The following ADGRV1 variants were observed in gnomAD, a reference collection of about 807,000 sequenced individuals.
ADGRV1 encodes G-protein coupled receptor 98.
ADGRV1 carries 359 observed loss-of-function variants against 596.2 expected under a neutral mutation model. That is an observed-to-expected ratio of 0.60 (90% CI 0.55 to 0.66). The LOEUF (loss-of-function observed/expected upper bound fraction) is 0.66. Among genes scored for constraint, ADGRV1 ranks in the 30% least tolerant of loss-of-function variants. The pLI is 0.00. For synonymous variants in ADGRV1, 2,681 were observed against 2,679.2 expected (o/e 1.00, Z -0.02); for missense variants, 7,274 against 7,575.6 (o/e 0.96, Z 1.48).
chr5:90,662,914 A>T (rs1485102026), intron 21 of ADGRV1, among the ~76,000 whole-genome samples: 2 of 151,320 alleles, frequency 1.3e-5, no homozygotes, highest in Non-Finnish European at 2.9e-5. Flanking sequence ...TTCCAGTTTC[A>T]TCCATGTCCC....
chr5:90,886,544 A>G (rs1770304686), intron 83 of ADGRV1, among the ~76,000 whole-genome samples: 1 of 152,204 alleles, frequency 6.6e-6, no homozygotes, highest in African/African-American at 2.4e-5. Flanking sequence ...TGATCTCATC[A>G]TTAGCCATAG....
Position 91,147,804 on chromosome 5 carries a change from CAG to C in ADGRV1, c.18433-2223_18433-2222del, listed in dbSNP as rs577193222. 3.8e-3 allele frequency among the ~76,000 whole-genome samples: 581 copies of C among 152,234 alleles called. 4 individuals are homozygous for C. The highest frequency in any genetic ancestry group is 0.014 in the African/African-American group (562 of 41,548). Reference sequence around the variant, plus strand: ...AGCGCCGTTGGAACTAGGTAACAGGCAGAGGTTGGAACAGTTTGGAGGGCTCA... The same window carrying C: ...AGCGCCGTTGGAACTAGGTAACAGGCAGGTTGGAACAGTTTGGAGGGCTCA... On this transcript the variant is annotated intron_variant, in intron 87 of 89. Coordinates refer to ENST00000405460, the MANE Select transcript of ADGRV1 (RefSeq NM_032119.4).
At position 90,703,758 on chromosome 5, in the gene ADGRV1, A is replaced by G. The variant is rs1580797447; in HGVS notation, c.8249A>G (p.Asn2750Ser). The change falls in exon 35 of 90, where the codon AAT becomes AGT. Residue 2750 changes from asparagine to serine, a missense_variant. Asn to Ser is a conservative substitution (Grantham distance 46). Around this residue, in one of 5 missense-constraint regions of ADGRV1, gnomAD observed 3,643 missense variants for 3,809.2 expected, o/e 0.96. Coordinates refer to ENST00000405460, the MANE Select transcript of ADGRV1 (RefSeq NM_032119.4). ...ATTATTGGGCAAAATCTAGAACTCA[A>G]TTTTGCTAACTTTAGCGGACAACTT... ...WKIIGQNLEL[N>S]FANFSGQLFF... is the part of the protein sequence containing the mutation. 1 of 1,603,610 alleles carries G rather than the reference A, an allele frequency of 6.2e-7. No individual in the cohort carries two copies.
At chr5:90,609,762 A>C (rs1762519958) in intron 1 of ADGRV1, among the ~76,000 whole-genome samples, 4 of 152,026 alleles carry the variant, frequency 2.6e-5, no homozygotes, top group Admixed American at 2.6e-4. Flanking sequence ...GATGCTTGCT[A>C]TGGCATTGAC....
rs754942870 is a variant in ADGRV1, at chr5:90,720,241, G to A, written c.9623+18G>A. 4.8e-6 allele frequency: 7 copies of A among 1,445,012 alleles called. No individual in the cohort carries two copies. The Admixed American group carries it at 1.7e-4, about 35-fold the overall frequency. 89.5% of individuals were successfully genotyped at this position (1,445,012 alleles called of 1,614,324 possible). ...GAAAATAGGTATAGTTTATTCATAA[G>A]GAAATTATCACTTCTGAAGCTATAA... On this transcript the variant is annotated intron_variant, in intron 44 of 89. Coordinates refer to ENST00000405460, the MANE Select transcript of ADGRV1 (RefSeq NM_032119.4).
chr5:91,161,262 C>A (rs994979602), intron 89 of ADGRV1, among the ~76,000 whole-genome samples: 1 of 152,184 alleles, frequency 6.6e-6, no homozygotes, highest in Non-Finnish European at 1.5e-5. Context: ...CACGGTTCTC[C>A]TGTTCCCAGC....
rs377270367 is a variant in ADGRV1 at position 90,637,817 on chromosome 5, C to T, written c.2109C>T (p.Thr703=). Reference sequence around the variant, plus strand: ...CTGGCTTTAATTCAAAAGCAGTGACCCCGGATGATATAGGCCCCTTTAATG... The same window carrying T: ...CTGGCTTTAATTCAAAAGCAGTGACTCCGGATGATATAGGCCCCTTTAATG... ...KPSGFNSKAV[T]PDDIGPFNGS... is the part of the protein sequence containing the mutation. Residue 703 remains threonine (T), a synonymous_variant, in exon 11 of 90, where the codon ACC becomes ACT. Transcript: ENST00000405460. The T allele has an allele frequency of 4.3e-5, 70 of 1,613,420 alleles. No individual in the cohort carries two copies. The African/African-American group carries it at 6.3e-4, about 14-fold the overall frequency.
intron 77 of ADGRV1, among the ~76,000 whole-genome samples, chr5:90,831,157 A>T (rs1764483554): frequency 6.6e-6 from 1 of 151,990 alleles, no homozygotes; most frequent in Non-Finnish European, 1.5e-5. Context: ...CATCCTGCAG[A>T]TGATCTTGAG....
Position 90,627,332 on chromosome 5 carries a change from T to A in ADGRV1, c.794T>A (p.Phe265Tyr). 1 of 1,613,810 alleles carries A rather than the reference T, an allele frequency of 6.2e-7. No individual in the cohort carries two copies. The highest frequency in any genetic ancestry group is 8.5e-7 in the Non-Finnish European group (1 of 1,179,748). Reference sequence around the variant, plus strand: ...AAGAAAAATGATAGTCCCGTGAGATTCCTTCAGAGTATTTATTTGGTTCCT... The same window carrying A: ...AAGAAAAATGATAGTCCCGTGAGATACCTTCAGAGTATTTATTTGGTTCCT... ...IIKKNDSPVR[F>Y]LQSIYLVPEE... Residue 265 changes from phenylalanine (F) to tyrosine (Y), a missense_variant, in exon 7 of 90, where the codon TTC (phenylalanine) becomes TAC (tyrosine). By Grantham distance (22) the Phe-to-Tyr change is conservative (BLOSUM62 3). Transcript: ENST00000405460.
intron 86 of ADGRV1, among the ~76,000 whole-genome samples, chr5:91,090,834 A>C (rs183656858): frequency 6.6e-6 from 1 of 152,142 alleles, no homozygotes; most frequent in South Asian, 2.1e-4. Flanking sequence ...CACACAGTGC[A>C]TTGATGAGTC....
chr5:90,774,527 T>C (rs2150064382), intron 60 of ADGRV1, among the ~76,000 whole-genome samples: 1 of 152,260 alleles, frequency 6.6e-6, no homozygotes, highest in Admixed American at 6.5e-5. Flanking sequence ...AGCTTAGCTG[T>C]GTAATTTTTT....
intron 82 of ADGRV1, among the ~76,000 whole-genome samples, chr5:90,858,974 T>C (rs1373319409): frequency 6.6e-6 from 1 of 152,218 alleles, no homozygotes; most frequent in Non-Finnish European, 1.5e-5. Flanking sequence ...GTCTTTTTGA[T>C]CAGAATTATA....
chr5:91,091,972 T>G (rs1170393997), intron 86 of ADGRV1, among the ~76,000 whole-genome samples: 2 of 152,148 alleles, frequency 1.3e-5, no homozygotes, highest in African/African-American at 4.8e-5. Flanking sequence ...TATCTGGGCT[T>G]CCTTTAACCC....
chr5:90,575,524 G>A (rs1757086238), intron 1 of ADGRV1, among the ~76,000 whole-genome samples: 2 of 152,186 alleles, frequency 1.3e-5, no homozygotes, highest in South Asian at 4.1e-4. Flanking sequence ...AGCTCAGATT[G>A]CAGGATGGCC....
intron 21 of ADGRV1, among the ~76,000 whole-genome samples, chr5:90,670,388 G>A (rs1424449053): frequency 2.0e-5 from 3 of 152,234 alleles, no homozygotes; most frequent in Non-Finnish European, 2.9e-5. Context: ...ATGGCCTGAA[G>A]TATGAAGCTA....
At chr5:90,802,926 G>A (rs374982346) in intron 71 of ADGRV1, 44 bp downstream of exon 71, 2 of 1,514,388 alleles carry the variant, frequency 1.3e-6, no homozygotes, top group South Asian at 1.3e-5. Context: ...ACACTAGAGG[G>A]CAGCTTTTAC....
At chr5:91,042,731 A>G (rs1785470040) in intron 85 of ADGRV1, among the ~76,000 whole-genome samples, 1 of 152,122 alleles carries the variant, frequency 6.6e-6, no homozygotes, top group African/African-American at 2.4e-5. Context: ...ATTAGCAAAC[A>G]ATCTCTGTCC....
Position 90,629,525 on chromosome 5 carries a change from C to T in ADGRV1, c.1825C>T (p.His609Tyr). The change falls in exon 9 of 90, where the codon CAC becomes TAC. Residue 609 changes from histidine to tyrosine, a missense_variant. Coordinates refer to ENST00000405460, the MANE Select transcript of ADGRV1 (RefSeq NM_032119.4). ...RNDAFLQNGA[H>Y]FLVQLETVEL... ...TGATGCATTCCTTCAAAATGGAGCTCACTTTCTAGTACAGGTACTTGTATG... is the reference window on the plus strand; with the variant it reads ...TGATGCATTCCTTCAAAATGGAGCTTACTTTCTAGTACAGGTACTTGTATG... The T allele has an allele frequency of 6.2e-7, 1 of 1,609,650 alleles. No individual in the cohort carries two copies. Among genetic ancestry groups the T allele is most frequent in the Non-Finnish European group, 8.5e-7 (1 of 1,177,538 alleles).
At chr5:90,728,615 G>C (rs768127033) in intron 48 of ADGRV1, 54 bp from the exon 49 acceptor site, 2 of 1,450,012 alleles carry the variant, frequency 1.4e-6, no homozygotes, top group Non-Finnish European at 1.9e-6. Context: ...TTACATTCTT[G>C]CAAGTGCTAA....
Sources: allele counts gnomAD v4.1 joint callset (sites outside exome capture counted in the v4.1 genomes callset), GRCh38; gene constraint gnomAD v4.1.1; regional missense constraint gnomAD v4.1.1; transcripts MANE v1.5; gene names NCBI Gene and HGNC (gene_info 2026-07-23, HGNC 2026-07-21).